Variants in PARD3B observed in about 807,000 individuals in gnomAD.
The protein encoded by PARD3B is partitioning defective 3 homolog B.
A neutral mutation model predicts 130.2 loss-of-function variants in PARD3B; 103 were observed. The observed-to-expected ratio is 0.79, with a 90% CI of 0.67 to 0.93. The LOEUF is 0.93. PARD3B is among the 40% of genes least tolerant of loss of function. The pLI is 0.00. For synonymous variants in PARD3B, 583 were observed against 553.2 expected (o/e 1.05, Z -0.76); for missense variants, 1,609 against 1,499.2 (o/e 1.07, Z -1.21).
intron 3 of PARD3B, among the ~76,000 whole-genome samples, chr2:205,036,513 A>G (rs941934587): frequency 6.7e-6 from 1 of 148,718 alleles, no homozygotes. Flanking sequence ...ATATATAAAA[A>G]ATATATATAT....
chr2:205,522,319 T>A (rs1453181322), intron 21 of PARD3B, among the ~76,000 whole-genome samples: 604 of 150,858 alleles, frequency 4.0e-3, no homozygotes, highest in African/African-American at 0.014. Context: ...TTAAAGACTT[T>A]ATTTTTCCTT....
intron 2 of PARD3B, among the ~76,000 whole-genome samples, chr2:204,898,849 T>C (rs1043128828): frequency 6.6e-6 from 1 of 152,214 alleles, no homozygotes; most frequent in Non-Finnish European, 1.5e-5. Context: ...TCTTGCCGAA[T>C]TGACCTCTTT....
intron 10 of PARD3B, among the ~76,000 whole-genome samples, chr2:205,134,272 C>T (rs1187302486): frequency 1.3e-5 from 2 of 151,696 alleles, no homozygotes; most frequent in East Asian, 3.9e-4. Context: ...CCTGTAATCC[C>T]ATCACTTCAG....
At position 205,461,974 on chromosome 2, in the gene PARD3B, C is replaced by T. The variant is rs1193244298; in HGVS notation, c.3044+21302C>T. Among the ~76,000 whole-genome samples the T allele has an allele frequency of 6.6e-6, 1 of 152,180 alleles. No individual in the cohort carries two copies. The highest frequency in any genetic ancestry group is 2.4e-5 in the African/African-American group (1 of 41,444). On this transcript the variant is annotated intron_variant, in intron 20 of 22. Transcript: ENST00000406610. The surrounding 1 kb of genome is among the most constrained non-coding windows in gnomAD (Gnocchi z 4.3). The stretch of plus-strand genomic sequence containing the variant: ...CTTTATGAGTAAGTGTGACAATGGC[C>T]TAATGGAATGGACTTCTTTGTAAGC...
At chr2:204,615,738 A>G (rs1010877738) in intron 1 of PARD3B, among the ~76,000 whole-genome samples, 1 of 152,134 alleles carries the variant, frequency 6.6e-6, no homozygotes, top group African/African-American at 2.4e-5. Flanking sequence ...TGAAGTGAAA[A>G]TGCTGTTCCA....
chr2:205,320,243 T>TGAAG (rs1036952688), intron 18 of PARD3B, among the ~76,000 whole-genome samples: 7 of 139,462 alleles, frequency 5.0e-5, no homozygotes, highest in South Asian at 2.3e-4. Flanking sequence ...AAGGAAGGAA[T>TGAAG]GAAGGAAGGA....
At chr2:205,495,916 G>A (rs929749879) in intron 20 of PARD3B, among the ~76,000 whole-genome samples, 5 of 138,186 alleles carry the variant, frequency 3.6e-5, no homozygotes, top group Middle Eastern at 7.2e-3. Context: ...TGTCACACAG[G>A]AATTGTAAAT....
intron 20 of PARD3B, among the ~76,000 whole-genome samples, chr2:205,462,889 A>C (rs768439163): frequency 2.0e-5 from 3 of 152,186 alleles, no homozygotes; most frequent in Non-Finnish European, 4.4e-5. Flanking sequence ...TGACTCACGC[A>C]GTGGCTCATG....
chr2:204,594,027 G>T (rs2033184224), intron 1 of PARD3B, among the ~76,000 whole-genome samples: 1 of 152,178 alleles, frequency 6.6e-6, no homozygotes, highest in Non-Finnish European at 1.5e-5. Flanking sequence ...CCACACAGTG[G>T]TTCCATCAAC....
intron 1 of PARD3B, among the ~76,000 whole-genome samples, chr2:204,631,430 A>G (rs2034677447): frequency 6.6e-6 from 1 of 151,916 alleles, no homozygotes; most frequent in African/African-American, 2.4e-5. Context: ...TTGTATTTTT[A>G]GTAGAGATGG....
At chr2:205,008,123 A>C (rs2125300917) in intron 3 of PARD3B, among the ~76,000 whole-genome samples, 1 of 152,176 alleles carries the variant, frequency 6.6e-6, no homozygotes, top group South Asian at 2.1e-4. Context: ...TGCTGATCCT[A>C]GATTTTTTTT....
chr2:204,792,619 C>T (rs1230864699), intron 2 of PARD3B, among the ~76,000 whole-genome samples: 1 of 151,990 alleles, frequency 6.6e-6, no homozygotes, highest in Admixed American at 6.6e-5. Context: ...CTATCTCCAC[C>T]ACTGTCCATT....
chr2:204,731,510 G>C (rs1423038036), intron 2 of PARD3B, among the ~76,000 whole-genome samples: 2 of 152,112 alleles, frequency 1.3e-5, no homozygotes, highest in African/African-American at 4.8e-5. Context: ...ATTGTACTTA[G>C]CTTATGTAAA....
At chr2:205,429,361 A>G (rs2047251623) in intron 19 of PARD3B, among the ~76,000 whole-genome samples, 1 of 152,250 alleles carries the variant, frequency 6.6e-6, no homozygotes, top group Admixed American at 6.5e-5. Flanking sequence ...ACATCTCACC[A>G]TAATCAAAAT....
chr2:204,940,630 G>T (rs541687006), intron 2 of PARD3B, among the ~76,000 whole-genome samples: 1 of 152,276 alleles, frequency 6.6e-6, no homozygotes, highest in East Asian at 1.9e-4. Context: ...GGTACTGCTT[G>T]GGAGTTCTGG....
At chr2:204,815,017 C>T (rs1421275534) in intron 2 of PARD3B, among the ~76,000 whole-genome samples, 1 of 151,644 alleles carries the variant, frequency 6.6e-6, no homozygotes, top group Admixed American at 6.6e-5. Flanking sequence ...TCATAATTTT[C>T]TGTTTCTGTA....
At chr2:205,033,615 C>T (rs1441435891) in intron 3 of PARD3B, among the ~76,000 whole-genome samples, 1 of 152,116 alleles carries the variant, frequency 6.6e-6, no homozygotes, top group East Asian at 1.9e-4. Context: ...GCCACGTGCC[C>T]ATCTGTCTAC....
intron 3 of PARD3B, among the ~76,000 whole-genome samples, chr2:205,024,466 C>T (rs1449437435): frequency 6.6e-6 from 1 of 152,036 alleles, no homozygotes; most frequent in African/African-American, 2.4e-5. Flanking sequence ...TTATTTTCTG[C>T]AAGAGTTTAT....
chr2:205,310,001 A>G (rs1041816162), intron 18 of PARD3B, among the ~76,000 whole-genome samples: 1 of 152,000 alleles, frequency 6.6e-6, no homozygotes, highest in Non-Finnish European at 1.5e-5. Flanking sequence ...TATATACACA[A>G]TGTGGAAGGG....
Sources: gnomAD v4.1 joint callset for allele counts (sites outside exome capture counted in the v4.1 genomes callset) on GRCh38, gnomAD v4.1.1 for gene constraint, Gnocchi (gnomAD v3.1) non-coding constraint, MANE v1.5 for transcripts, NCBI Gene and HGNC (gene_info 2026-07-23, HGNC 2026-07-21) for gene names.